The following TNKS variants were observed in gnomAD, a reference collection of about 807,000 sequenced individuals.
The protein encoded by TNKS is poly [ADP-ribose] polymerase tankyrase-1.
In TNKS, 72 loss-of-function variants were observed where a neutral mutation model predicts 135.8. The observed-to-expected ratio is 0.53, with a 90% CI of 0.44 to 0.64. TNKS has a LOEUF of 0.64. TNKS is among the 30% of genes least tolerant of loss of function. TNKS has a pLI of 0.00. For missense variants in TNKS, 1,769 were observed against 1,674.0 expected (o/e 1.06, Z -0.99); for synonymous variants, 849 against 649.3 (o/e 1.31, Z -4.68).
In TNKS at chr8:9,769,630, T is replaced by TTTG. The variant is rs1554489584; in HGVS notation, c.3741-474_3741-473insGTT. Reference sequence around the variant, plus strand: ...GCATTTTCTTTTTTTTTTTTTTTTTTTTTTTTTGAGACGGAGTCTCGCTCT... The same window carrying TTTG: ...GCATTTTCTTTTTTTTTTTTTTTTTTTTGTTTTTTTGAGACGGAGTCTCGCTCT... On this transcript the variant is annotated intron_variant, in intron 25 of 26. Coordinates refer to ENST00000310430, the MANE Select transcript of TNKS (RefSeq NM_003747.3). 7.9e-3 allele frequency among the ~76,000 whole-genome samples: 1,111 copies of TTTG among 140,856 alleles called. 8 individuals carry two copies. Among genetic ancestry groups the TTTG allele is most frequent in the African/African-American group, 0.028 (1,026 of 36,944 alleles). 92.4% of individuals were successfully genotyped at this position (140,856 alleles called of 152,430 possible). A position where few individuals can be genotyped will look rare whatever the true frequency, so the allele number is the denominator to read the frequency against.
rs1332390083 is a variant in TNKS at position 9,680,823 on chromosome 8, C to G, written c.1107+23C>G. ...AAGGTAAGTTATTTTAAATACAATC[C>G]TCTTTAATTGCAATGCTTCAAAATT... On this transcript the variant is annotated intron_variant, in intron 5 of 26. Transcript: ENST00000310430. The G allele has an allele frequency of 2.5e-6, 4 of 1,592,886 alleles. No individual in the cohort carries two copies. The East Asian group carries it at 9.0e-5, about 36-fold the overall frequency.
chr8:9,776,671 A>G lies in TNKS; in HGVS notation c.3919A>G (p.Thr1307Ala). ...GEQAYPEYLI[T>A]YQIMKPEAPS... ...CCAGGCATACCCAGAGTATCTTATCACTTACCAGATCATGAAGCCAGAAGC... is the reference window on the plus strand; with the variant it reads ...CCAGGCATACCCAGAGTATCTTATCGCTTACCAGATCATGAAGCCAGAAGC... Residue 1307 changes from threonine to alanine, a missense_variant, in exon 27 of 27, where the codon ACT becomes GCT. Physicochemically the swap from Thr to Ala is moderately conservative, Grantham distance 58. Coordinates refer to ENST00000310430, the MANE Select transcript of TNKS (RefSeq NM_003747.3). The G allele has an allele frequency of 6.2e-7, 1 of 1,613,932 alleles. No individual in the cohort carries two copies. The highest frequency in any genetic ancestry group is 8.5e-7 in the Non-Finnish European group (1 of 1,179,918).
intron 1 of TNKS, among the ~76,000 whole-genome samples, chr8:9,572,823 C>T (rs902429303): frequency 6.6e-6 from 1 of 152,104 alleles, no homozygotes; most frequent in Non-Finnish European, 1.5e-5. Context: ...GTGTCTGGAA[C>T]CGCTAGTGTT....
At chr8:9,769,857 C>G (rs1398704094) in intron 25 of TNKS, among the ~76,000 whole-genome samples, 1 of 152,012 alleles carries the variant, frequency 6.6e-6, no homozygotes, top group African/African-American at 2.4e-5. Flanking sequence ...CCCTAGCAGG[C>G]ATTTTCTATG....
chr8:9,601,756 G>C (rs1258577621), intron 2 of TNKS, among the ~76,000 whole-genome samples: 1 of 152,024 alleles, frequency 6.6e-6, no homozygotes, highest in African/African-American at 2.4e-5. Context: ...ATAGACCACA[G>C]CACCTTAAAT....
At chr8:9,602,992 GTGTCCTAAATA>G (rs1799074209) in intron 2 of TNKS, among the ~76,000 whole-genome samples, 1 of 152,060 alleles carries the variant, frequency 6.6e-6, no homozygotes, top group African/African-American at 2.4e-5. Context: ...CATACACAAG[GTGTCCTAAATA>G]TATTAAACAT....
At chr8:9,567,669 G>T (rs1171147281) in intron 1 of TNKS, among the ~76,000 whole-genome samples, 1 of 152,144 alleles carries the variant, frequency 6.6e-6, no homozygotes, top group African/African-American at 2.4e-5. Context: ...TGCCCGCCTT[G>T]GCCTCCCAAA....
At chr8:9,596,258 T>C (rs1798782165) in intron 2 of TNKS, among the ~76,000 whole-genome samples, 1 of 152,184 alleles carries the variant, frequency 6.6e-6, no homozygotes, top group South Asian at 2.1e-4. Context: ...TTTGCATCTT[T>C]ATCATGTTAT....
intron 12 of TNKS, 92 bp downstream of exon 12, chr8:9,720,637 G>GA: frequency 7.4e-7 from 1 of 1,359,392 alleles, no homozygotes; most frequent in Admixed American, 2.9e-5. Context: ...TACTTTGCCT[G>GA]AAGTTTTTCT....
At chr8:9,767,120 C>CTCTT (rs1807496859) in intron 25 of TNKS, among the ~76,000 whole-genome samples, 1 of 152,130 alleles carries the variant, frequency 6.6e-6, no homozygotes, top group African/African-American at 2.4e-5. Flanking sequence ...AAAACATAGA[C>CTCTT]TCTTTAATTT....
intron 1 of TNKS, among the ~76,000 whole-genome samples, chr8:9,570,811 T>C (rs1797727983): frequency 6.6e-6 from 1 of 152,132 alleles, no homozygotes; most frequent in African/African-American, 2.4e-5. Context: ...ATTGCTGTCA[T>C]GTGTCTACTG....
chr8:9,684,796 ATAAC>A (rs1585325084), intron 5 of TNKS, among the ~76,000 whole-genome samples: 1 of 152,094 alleles, frequency 6.6e-6, no homozygotes, highest in East Asian at 1.9e-4. Context: ...GTCATGGGAG[ATAAC>A]TATATGGTTG....
intron 3 of TNKS, among the ~76,000 whole-genome samples, chr8:9,677,669 G>A (rs1450249322): frequency 6.6e-6 from 1 of 151,936 alleles, no homozygotes; most frequent in Non-Finnish European, 1.5e-5. Flanking sequence ...CACAAAACTT[G>A]CAGCTTTTTA....
At chr8:9,761,855 T>G (rs1006407070) in intron 21 of TNKS, among the ~76,000 whole-genome samples, 1 of 152,198 alleles carries the variant, frequency 6.6e-6, no homozygotes, top group African/African-American at 2.4e-5. Flanking sequence ...TCCTCAATTT[T>G]TCTGGAATCT....
chr8:9,633,780 A>G (rs1167856114), intron 3 of TNKS, among the ~76,000 whole-genome samples: 1 of 152,238 alleles, frequency 6.6e-6, no homozygotes, highest in Admixed American at 6.5e-5. Flanking sequence ...GTCTCTGGCC[A>G]GTAGCCAGTG....
At chr8:9,568,645 T>A (rs1161534931) in intron 1 of TNKS, among the ~76,000 whole-genome samples, 1 of 152,238 alleles carries the variant, frequency 6.6e-6, no homozygotes, top group African/African-American at 2.4e-5. Context: ...AATGTCTGGC[T>A]TAAAAAGAGA....
At chr8:9,625,178 A>G (rs1030544904) in intron 3 of TNKS, among the ~76,000 whole-genome samples, 3 of 152,040 alleles carry the variant, frequency 2.0e-5, no homozygotes, top group Admixed American at 6.5e-5. Context: ...GGAATTGGTC[A>G]ATTTCATCTA....
chr8:9,723,168 T>G (rs1235302022), intron 12 of TNKS, among the ~76,000 whole-genome samples: 6 of 151,372 alleles, frequency 4.0e-5, no homozygotes, highest in African/African-American at 7.3e-5. Context: ...TTTTTTTTTG[T>G]AATGGGAATT....
In TNKS at chr8:9,771,208, AG is replaced by A. The variant is rs1342105166; in HGVS notation, c.3897+947del. Among the ~76,000 whole-genome samples, 207 of 141,392 alleles carry A rather than the reference AG, an allele frequency of 1.5e-3. 1 individual carries two copies. Among genetic ancestry groups the A allele is most frequent in the African/African-American group, 5.2e-3 (201 of 38,762 alleles). 92.8% of individuals were successfully genotyped at this position (141,392 alleles called of 152,430 possible). Reference sequence around the variant, plus strand: ...GAGGAAGGAAGGAAGTGAGGGAGGAAGAGAGAGAGGAAGGGAGGGAGAGAGC... The same window carrying A: ...GAGGAAGGAAGGAAGTGAGGGAGGAAAGAGAGAGGAAGGGAGGGAGAGAGC... On this transcript the variant is annotated intron_variant, in intron 26 of 26. Coordinates refer to ENST00000310430, the MANE Select transcript of TNKS (RefSeq NM_003747.3).
Sources: allele counts gnomAD v4.1 joint callset (sites outside exome capture counted in the v4.1 genomes callset), GRCh38; gene constraint gnomAD v4.1.1; transcripts MANE v1.5; gene names NCBI Gene and HGNC (gene_info 2026-07-23, HGNC 2026-07-21).